SLC12A7: variants seen among roughly 807,000 people sequenced by gnomAD.
SLC12A7 encodes the protein K-Cl cotransporter 4.
In SLC12A7, 100 loss-of-function variants were observed where a neutral mutation model predicts 120.6. That is an observed-to-expected ratio of 0.83 (90% CI 0.71 to 0.98). SLC12A7 has a LOEUF of 0.98. SLC12A7 is among the 50% of genes least tolerant of loss of function. The pLI, the probability that SLC12A7 is intolerant of heterozygous loss-of-function variation, is 0.00. For missense variants in SLC12A7, 1,373 were observed against 1,548.1 expected, an observed-to-expected ratio of 0.89 and a Z score of 1.90; for synonymous variants, 760 against 678.0, an observed-to-expected ratio of 1.12 and a Z score of -1.88.
At chr5:1,153,393 A>G in the SLC12A7 span, among the ~76,000 whole-genome samples, 1 of 152,246 alleles carries the variant, frequency 6.6e-6, no homozygotes, top group Non-Finnish European at 1.5e-5. Flanking sequence ...CAGGAAGGAC[A>G]GATGAGTTCA....
At position 1,065,483 on chromosome 5, in the gene SLC12A7, G is replaced by A. The variant is rs1183099615; in HGVS notation, c.2242-5C>T. 5.1e-6 allele frequency: 8 copies of A among 1,571,932 alleles called. No individual in the cohort carries two copies. Among genetic ancestry groups the A allele is most frequent in the African/African-American group, 1.4e-5 (1 of 74,034 alleles). ...GCTCATTAGGGACCGTATGTTCTGCGGGAGACAGGACAGGTTGGTGCTACA... is the reference window on the plus strand; with the variant it reads ...GCTCATTAGGGACCGTATGTTCTGCAGGAGACAGGACAGGTTGGTGCTACA... On this transcript the variant is annotated splice_region_variant and splice_polypyrimidine_tract_variant and intron_variant, in intron 17 of 23. Coordinates refer to ENST00000264930, the MANE Select transcript of SLC12A7 (RefSeq NM_006598.3).
At position 1,093,543 on chromosome 5, in the gene SLC12A7, C is replaced by T. The variant is rs562501613; in HGVS notation, c.332G>A (p.Arg111Gln). ...GCAGGGTGGCAGTACCTTGGCCTCC[C>T]GCCGCCGGCTCTCCTCGTCCTCCTC... ...EHEEDEESRR[R>Q]EAKAPRMGTF... The change falls in exon 3 of 24, where the codon CGG becomes CAG. Residue 111 changes from arginine (R) to glutamine (Q), a missense_variant. Physicochemically the swap from Arg to Gln is conservative, Grantham distance 43. Coordinates refer to ENST00000264930, the MANE Select transcript of SLC12A7 (RefSeq NM_006598.3). 3.3e-5 allele frequency: 53 copies of T among 1,591,082 alleles called. No individual in the cohort carries two copies. The African/African-American group carries it at 3.4e-4, about 10-fold the overall frequency.
intron 12 of SLC12A7, 26 bp from the exon 13 acceptor site, chr5:1,076,838 G>C (rs780698381): frequency 3.3e-6 from 5 of 1,501,362 alleles, no homozygotes; most frequent in Middle Eastern, 1.7e-4. Flanking sequence ...CAGGAAGATG[G>C]GGCAGATGAC....
At chr5:1,127,741 C>T in the SLC12A7 span, among the ~76,000 whole-genome samples, 1 of 152,128 alleles carries the variant, frequency 6.6e-6, no homozygotes, top group African/African-American at 2.4e-5. Flanking sequence ...TTAACTTTGC[C>T]CCCCTCCTGC....
chr5:1,068,179 A>G (rs1737261005), intron 17 of SLC12A7, among the ~76,000 whole-genome samples: 2 of 152,222 alleles, frequency 1.3e-5, no homozygotes, highest in African/African-American at 2.4e-5. Flanking sequence ...TCACACCTGT[A>G]ATCCCAGCAC....
Position 1,057,551 on chromosome 5 carries a change from G to A in SLC12A7, c.2946C>T (p.Thr982=). The A allele has an allele frequency of 1.2e-6, 2 of 1,613,232 alleles. No individual in the cohort carries two copies. Among genetic ancestry groups the A allele is most frequent in the Non-Finnish European group, 1.7e-6 (2 of 1,179,972 alleles). The change falls in exon 22 of 24, where the codon ACC becomes ACT. Residue 982 remains threonine (T), a synonymous_variant. Transcript: ENST00000264930. ...ACTTCTCAGCGATCAGCTTCTCCCT[G>A]GTCCAGGTCATCTGCACCTTGTCTG... is the stretch of plus-strand genomic sequence containing the variant. ...PTPDKVQMTW[T]REKLIAEKYR... is the part of the protein sequence containing the mutation.
intron 1 of SLC12A7, among the ~76,000 whole-genome samples, chr5:1,105,704 T>C (rs1742475450): frequency 1.3e-5 from 2 of 152,232 alleles, no homozygotes; most frequent in African/African-American, 4.8e-5. Flanking sequence ...CTTTGTGCTC[T>C]GCCCTTGTCC....
chr5:1,099,763 G>A (rs1235179235), intron 1 of SLC12A7, among the ~76,000 whole-genome samples: 2 of 152,196 alleles, frequency 1.3e-5, no homozygotes, highest in Non-Finnish European at 1.5e-5. Context: ...GGGAATCTCA[G>A]TTTGCGCCAA....
chr5:1,084,497 G>GA (rs1739588612), intron 7 of SLC12A7, among the ~76,000 whole-genome samples: 1 of 152,198 alleles, frequency 6.6e-6, no homozygotes, highest in South Asian at 2.1e-4. Flanking sequence ...AAGAGCACAG[G>GA]AGTGCCGCCC....
At position 1,105,974 on chromosome 5, in the gene SLC12A7, A is replaced by C. The variant is rs577511600; in HGVS notation, c.124+5894T>G. Among the ~76,000 whole-genome samples the C allele has an allele frequency of 3.9e-5, 6 of 152,204 alleles. No homozygotes were observed. The South Asian group carries it at 1.2e-3, about 32-fold the overall frequency. ...CCTGGCGGGCCTCACACTCCCCAGC[A>C]CCCAGGGACTCCTGCCCCACCCACC... On this transcript the variant is annotated intron_variant, in intron 1 of 23. Transcript: ENST00000264930.
At chr5:1,101,832 T>G (rs1287967255) in intron 1 of SLC12A7, among the ~76,000 whole-genome samples, 1 of 145,632 alleles carries the variant, frequency 6.9e-6, no homozygotes, top group African/African-American at 2.5e-5. Flanking sequence ...GGAGCCGCTT[T>G]GCTGAGTTTT....
At chr5:1,089,636 A>G (rs910291717) in intron 3 of SLC12A7, among the ~76,000 whole-genome samples, 17 of 151,670 alleles carry the variant, frequency 1.1e-4, no homozygotes, top group Non-Finnish European at 1.8e-4. Context: ...ACACATCTTA[A>G]CCGGGCACGG....
intron 17 of SLC12A7, among the ~76,000 whole-genome samples, chr5:1,068,673 C>G (rs533956766): frequency 6.6e-5 from 10 of 152,148 alleles, no homozygotes; most frequent in African/African-American, 1.9e-4. Context: ...TCCTCCCGTC[C>G]GCAAGAGCGG....
the SLC12A7 span, among the ~76,000 whole-genome samples, chr5:1,130,073 T>A: frequency 6.6e-6 from 1 of 152,212 alleles, no homozygotes; most frequent in Non-Finnish European, 1.5e-5. Context: ...ACTTTACTTC[T>A]GGATGTGGTT....
At chr5:1,118,438 G>T in the SLC12A7 span, among the ~76,000 whole-genome samples, 78 of 152,368 alleles carry the variant, frequency 5.1e-4, no homozygotes, top group Non-Finnish European at 8.8e-4. Context: ...GGCAGGCCTG[G>T]CAGCCATCCA....
chr5:1,108,019 A>C (rs905060576), intron 1 of SLC12A7, among the ~76,000 whole-genome samples: 5 of 41,394 alleles, frequency 1.2e-4, no homozygotes, highest in African/African-American at 7.3e-4. Flanking sequence ...ACAGCATACA[A>C]ACACACACAT....
At chr5:1,124,605 C>T in the SLC12A7 span, among the ~76,000 whole-genome samples, 8 of 152,018 alleles carry the variant, frequency 5.3e-5, no homozygotes, top group South Asian at 2.1e-4. Context: ...GCGGGGCAGG[C>T]GGCAGAGCCT....
chr5:1,121,813 A>G, the SLC12A7 span, among the ~76,000 whole-genome samples: 1 of 152,162 alleles, frequency 6.6e-6, no homozygotes, highest in African/African-American at 2.4e-5. Flanking sequence ...AGGAAGGGGT[A>G]ACTGTGCCCC....
chr5:1,147,191 C>A, the SLC12A7 span, among the ~76,000 whole-genome samples: 1 of 151,840 alleles, frequency 6.6e-6, no homozygotes, highest in African/African-American at 2.4e-5. Context: ...ACAGGAAACA[C>A]TAAATTCCCA....
Sources: gnomAD v4.1 joint callset for allele counts (sites outside exome capture counted in the v4.1 genomes callset) on GRCh38, gnomAD v4.1.1 for gene constraint, MANE v1.5 for transcripts, NCBI Gene and HGNC (gene_info 2026-07-23, HGNC 2026-07-21) for gene names.